Variants in TFB1M observed in about 807,000 individuals in gnomAD.
TFB1M encodes the protein transcription factor B1, mitochondrial.
Under a neutral mutation model 31.1 loss-of-function variants are expected in TFB1M, and 27 were observed. The ratio of observed to expected loss-of-function variants is 0.87; its 90% CI spans 0.64 to 1.20. The LOEUF (loss-of-function observed/expected upper bound fraction) is 1.20. Among genes scored for constraint, TFB1M ranks in the 50% most tolerant of loss-of-function variants. The pLI is 0.00. For synonymous variants in TFB1M, 166 were observed against 151.8 expected (o/e 1.09, Z -0.69); for missense variants, 394 against 418.7 (o/e 0.94, Z 0.51).
downstream of TFB1M, chr6:155,255,061 T>C (rs1783913229): frequency 6.4e-6 from 1 of 156,706 alleles, no homozygotes; most frequent in Non-Finnish European, 1.4e-5. Context: ...GTTTTTTGCT[T>C]CTAGTGCAGC....
At chr6:155,238,139 ATC>A in the TFB1M span, among the ~76,000 whole-genome samples, 1 of 152,200 alleles carries the variant, frequency 6.6e-6, no homozygotes, top group Non-Finnish European at 1.5e-5. Context: ...ACCTTAAATC[ATC>A]TCTCAAGTTC....
At chr6:155,232,122 G>C in the TFB1M span, among the ~76,000 whole-genome samples, 2 of 151,964 alleles carry the variant, frequency 1.3e-5, no homozygotes, top group African/African-American at 4.8e-5. Flanking sequence ...AACTGGGGAA[G>C]TAGTCATTCA....
chr6:155,275,689 T>C, intron 5 of TFB1M: 2 of 1,576,256 alleles, frequency 1.3e-6, no homozygotes, highest in Non-Finnish European at 1.7e-6. Flanking sequence ...ACATCAGGAT[T>C]TTCTAAGAGG....
chr6:155,285,864 T>A lies in TFB1M; in HGVS notation c.547-587A>T, dbSNP rs199669747. 2.0e-5 allele frequency among the ~76,000 whole-genome samples: 3 copies of A among 152,194 alleles called. No individual in the cohort carries two copies. The East Asian group carries it at 5.8e-4, about 29-fold the overall frequency. ...ATTAATTAGGTATATTTCAATTAAT[T>A]CATAAATGCAATGCAATTTCAATTA... is the stretch of plus-strand genomic sequence containing the variant. On this transcript the variant is annotated intron_variant, in intron 4 of 6. Coordinates refer to ENST00000367166, the MANE Select transcript of TFB1M (RefSeq NM_016020.4).
intron 1 of TFB1M, among the ~76,000 whole-genome samples, chr6:155,311,574 T>C (rs1778018754): frequency 6.6e-6 from 1 of 152,222 alleles, no homozygotes; most frequent in South Asian, 2.1e-4. Flanking sequence ...AGGATTATCA[T>C]GACAAAGTTT....
intron 2 of TFB1M, among the ~76,000 whole-genome samples, chr6:155,310,408 C>G (rs1777964825): frequency 2.0e-5 from 3 of 152,100 alleles, no homozygotes; most frequent in Non-Finnish European, 4.4e-5. Flanking sequence ...AAGTAAGTTC[C>G]TCCTTATTTC....
intron 5 of TFB1M, among the ~76,000 whole-genome samples, chr6:155,268,338 GCCA>G (rs1430587212): frequency 6.6e-6 from 1 of 152,124 alleles, no homozygotes; most frequent in Non-Finnish European, 1.5e-5. Context: ...GAAAATGTCA[GCCA>G]CCAAAGTGTT....
At chr6:155,266,152 A>G (rs1013936024) in intron 5 of TFB1M, among the ~76,000 whole-genome samples, 1 of 152,140 alleles carries the variant, frequency 6.6e-6, no homozygotes, top group Non-Finnish European at 1.5e-5. Context: ...GTATCCTTCA[A>G]TCCAATCAAG....
the TFB1M span, chr6:155,243,888 A>G: frequency 1.9e-6 from 1 of 522,466 alleles, no homozygotes. Context: ...GAATTTCAAC[A>G]AGGCATAAAC....
rs868388487 is a variant in TFB1M, at chr6:155,305,747, A to C, written c.285+5441T>G. 3.5e-3 allele frequency among the ~76,000 whole-genome samples: 395 copies of C among 113,174 alleles called. 13 individuals are homozygous for C. The highest frequency in any genetic ancestry group is 0.013 in the African/African-American group (372 of 28,232). The allele number at this position is 113,174 out of a possible 152,430, so 74.2% of individuals were successfully genotyped here. A position where few individuals can be genotyped will look rare whatever the true frequency, so the allele number is the denominator to read the frequency against. On this transcript the variant is annotated intron_variant, in intron 2 of 6. Coordinates refer to ENST00000367166, the MANE Select transcript of TFB1M (RefSeq NM_016020.4). ...TATATATATATTAAATTATATATTT[A>C]TATATATAAATATATATTAAATTAT... is the stretch of plus-strand genomic sequence containing the variant.
At chr6:155,310,971 A>T (rs1777990652) in intron 2 of TFB1M, 2 of 571,722 alleles carry the variant, frequency 3.5e-6, no homozygotes, top group Middle Eastern at 4.7e-4. Context: ...GGTTTTTTTC[A>T]AGGTGTAGTC....
At chr6:155,267,726 T>TG (rs1263346778) in intron 5 of TFB1M, among the ~76,000 whole-genome samples, 1 of 152,184 alleles carries the variant, frequency 6.6e-6, no homozygotes, top group Non-Finnish European at 1.5e-5. Flanking sequence ...TTTTTCCTCC[T>TG]GGCCCCTTGA....
At chr6:155,236,755 C>G in the TFB1M span, among the ~76,000 whole-genome samples, 1 of 152,196 alleles carries the variant, frequency 6.6e-6, no homozygotes, top group African/African-American at 2.4e-5. Context: ...TTAAAATCAT[C>G]AGATCTTGTG....
At chr6:155,239,678 C>A in the TFB1M span, among the ~76,000 whole-genome samples, 2 of 152,218 alleles carry the variant, frequency 1.3e-5, no homozygotes, top group African/African-American at 4.8e-5. Context: ...CTTGTCTCTT[C>A]ATCTATGTGA....
chr6:155,273,853 T>C (rs558981351), intron 5 of TFB1M, among the ~76,000 whole-genome samples: 2 of 152,276 alleles, frequency 1.3e-5, no homozygotes, highest in African/African-American at 4.8e-5. Context: ...CTGAGGTTTC[T>C]TTCAGCTCCA....
intron 2 of TFB1M, among the ~76,000 whole-genome samples, chr6:155,302,430 C>T (rs1256858326): frequency 6.6e-6 from 1 of 152,014 alleles, no homozygotes; most frequent in Non-Finnish European, 1.5e-5. Flanking sequence ...AAGACTACTG[C>T]TATTTATTCA....
At chr6:155,273,653 A>AG (rs760843898) in intron 5 of TFB1M, among the ~76,000 whole-genome samples, 9 of 152,146 alleles carry the variant, frequency 5.9e-5, no homozygotes, top group Admixed American at 2.0e-4. Context: ...GGAAACACAC[A>AG]GGGGGAGAAA....
At chr6:155,301,481 C>A (rs1292228402) in intron 2 of TFB1M, among the ~76,000 whole-genome samples, 2 of 152,126 alleles carry the variant, frequency 1.3e-5, no homozygotes, top group Non-Finnish European at 2.9e-5. Context: ...GTGGGAAAAT[C>A]ACTATTATAT....
chr6:155,287,622 TG>T (rs1377817089), intron 4 of TFB1M, among the ~76,000 whole-genome samples: 1 of 151,032 alleles, frequency 6.6e-6, no homozygotes, highest in African/African-American at 2.4e-5. Context: ...AAAATATGTA[TG>T]GAAATAATGA....
Sources: gnomAD v4.1 joint callset for allele counts (sites outside exome capture counted in the v4.1 genomes callset) on GRCh38, gnomAD v4.1.1 for gene constraint, MANE v1.5 for transcripts, NCBI Gene and HGNC (gene_info 2026-07-23, HGNC 2026-07-21) for gene names.